The following TRAPPC10 variants were observed in gnomAD, a reference collection of about 807,000 sequenced individuals.
TRAPPC10 encodes trafficking protein particle complex subunit 10.
Under a neutral mutation model 125.5 loss-of-function variants are expected in TRAPPC10, and 23 were observed. The observed-to-expected ratio is 0.18, with a 90% CI of 0.13 to 0.26. TRAPPC10 has a LOEUF of 0.26. Ranked by LOEUF, TRAPPC10 falls within the 10% of genes least tolerant of loss-of-function variation. TRAPPC10 has a pLI of 1.00. For synonymous variants in TRAPPC10, 509 were observed against 518.0 expected (o/e 0.98, Z 0.24); for missense variants, 1,123 against 1,308.4 (o/e 0.86, Z 2.19).
chr21:44,087,596 A>T lies in TRAPPC10; in HGVS notation c.2540-103A>T. On this transcript the variant is annotated intron_variant, in intron 16 of 22. Transcript: ENST00000291574. This position sits in a 1 kb window ranked among gnomAD's most constrained non-coding sequence, Gnocchi z 4.6. ...CCTGCCAGGTGCGCAGGAGCGGGAG[A>T]GGTTGAGCAGTGGCCTCACTGCTGG... The T allele has an allele frequency of 1.0e-6, 1 of 986,010 alleles. No individual in the cohort carries two copies. The highest frequency in any genetic ancestry group is 1.6e-6 in the Non-Finnish European group (1 of 643,380). The allele number at this position is 986,010 out of a possible 1,614,324, so 61.1% of individuals were successfully genotyped here. A position where few individuals can be genotyped will look rare whatever the true frequency, so the allele number is the denominator to read the frequency against.
rs2035866374 is a variant in TRAPPC10, at chr21:44,059,371, G to A, written c.790+157G>A. ...CGGATATATTCTCGTGATTCCTAGAGGAAATGAAATGAGAATTAAGAATTA... is the reference window on the plus strand; with the variant it reads ...CGGATATATTCTCGTGATTCCTAGAAGAAATGAAATGAGAATTAAGAATTA... On this transcript the variant is annotated intron_variant, in intron 6 of 22. Transcript: ENST00000291574. This position sits in a 1 kb window ranked among gnomAD's most constrained non-coding sequence, Gnocchi z 4.4. The A allele has an allele frequency of 1.4e-6, 1 of 695,750 alleles. No homozygotes were observed. Among genetic ancestry groups the A allele is most frequent in the Non-Finnish European group, 2.6e-6 (1 of 381,458 alleles). 43.1% of individuals were successfully genotyped at this position (695,750 alleles called of 1,614,324 possible).
intron 12 of TRAPPC10, 77 bp downstream of exon 12, chr21:44,079,781 A>AT (rs1569205333): frequency 6.9e-7 from 1 of 1,456,170 alleles, no homozygotes. Flanking sequence ...TCAATGTTTC[A>AT]TTCACACCTA....
chr21:44,079,231 TC>T (rs776908305), intron 11 of TRAPPC10, among the ~76,000 whole-genome samples: 20 of 152,324 alleles, frequency 1.3e-4, no homozygotes, highest in Middle Eastern at 3.4e-3. Flanking sequence ...CTCTTGCCTG[TC>T]AGCTTGAGAT....
rs571190407 is a variant in TRAPPC10 at position 44,058,958 on chromosome 21, C to T, written c.679-145C>T. 7.0e-5 allele frequency: 40 copies of T among 570,292 alleles called. No homozygotes were observed. The East Asian group carries it at 7.3e-4, about 10-fold the overall frequency. The allele number at this position is 570,292 out of a possible 1,614,324, so 35.3% of individuals were successfully genotyped here. On this transcript the variant is annotated intron_variant, in intron 5 of 22. Coordinates refer to ENST00000291574, the MANE Select transcript of TRAPPC10 (RefSeq NM_003274.5). Reference sequence around the variant, plus strand: ...ATGCGTGAATGTTGACATATGCGGTCGTCACATTGGTTGTTACTTAGCGGA... The same window carrying T: ...ATGCGTGAATGTTGACATATGCGGTTGTCACATTGGTTGTTACTTAGCGGA...
chr21:44,062,906 T>G (rs1387015811), intron 6 of TRAPPC10: 6 of 1,230,206 alleles, frequency 4.9e-6, no homozygotes, highest in Non-Finnish European at 6.3e-6. Flanking sequence ...GGACTTGTTA[T>G]TATACATTGT....
intron 1 of TRAPPC10, among the ~76,000 whole-genome samples, chr21:44,022,607 C>T (rs1008127676): frequency 3.3e-5 from 5 of 151,900 alleles, no homozygotes; most frequent in Admixed American, 1.3e-4. Flanking sequence ...AGCCACCATG[C>T]CTGGGCCTAA....
intron 13 of TRAPPC10, among the ~76,000 whole-genome samples, chr21:44,081,731 T>C (rs1209271807): frequency 1.3e-5 from 2 of 152,072 alleles, no homozygotes; most frequent in African/African-American, 2.4e-5. Flanking sequence ...TACAAAAAAT[T>C]AGCCAGGTGT....
chr21:44,037,763 T>C, intron 2 of TRAPPC10, 29 bp from the exon 3 acceptor site: 1 of 1,602,648 alleles, frequency 6.2e-7, no homozygotes, highest in Non-Finnish European at 8.5e-7. Context: ...TTAGTTGTTT[T>C]CTCAGTGACT....
intron 13 of TRAPPC10, among the ~76,000 whole-genome samples, chr21:44,081,217 G>A (rs886802773): frequency 6.6e-6 from 1 of 151,826 alleles, no homozygotes; most frequent in African/African-American, 2.4e-5. Context: ...TTGGAGTGCA[G>A]TGGCATGATT....
Position 44,058,967 on chromosome 21 carries a change from G to C in TRAPPC10, c.679-136G>C, listed in dbSNP as rs182325681. The stretch of plus-strand genomic sequence containing the variant: ...TGTTGACATATGCGGTCGTCACATT[G>C]GTTGTTACTTAGCGGAGCGTAGACA... On this transcript the variant is annotated intron_variant, in intron 5 of 22. Transcript: ENST00000291574. The C allele has an allele frequency of 4.7e-5, 28 of 593,528 alleles. No individual in the cohort carries two copies. In the Admixed American group the frequency reaches 6.6e-4, roughly 14 times the overall value. The allele number at this position is 593,528 out of a possible 1,614,324, so 36.8% of individuals were successfully genotyped here.
At chr21:44,051,238 G>C (rs926211186) in intron 3 of TRAPPC10, among the ~76,000 whole-genome samples, 21 of 152,300 alleles carry the variant, frequency 1.4e-4, no homozygotes, top group African/African-American at 5.1e-4. Flanking sequence ...TGGATACTCT[G>C]ATTGGCTTCT....
intron 1 of TRAPPC10, among the ~76,000 whole-genome samples, chr21:44,026,176 C>G (rs2033049044): frequency 1.3e-5 from 2 of 152,004 alleles, no homozygotes; most frequent in African/African-American, 4.8e-5. Context: ...CATCTGGATC[C>G]TTTTTTGTGC....
In TRAPPC10 at chr21:44,055,776, G is replaced by C. The variant is rs769372387; in HGVS notation, c.561G>C (p.Arg187Ser). 4.6e-5 allele frequency: 75 copies of C among 1,613,824 alleles called. No homozygotes were observed. The highest frequency in any genetic ancestry group is 6.2e-5 in the Non-Finnish European group (73 of 1,179,896). Residue 187 changes from arginine to serine, a missense_variant, in exon 5 of 23, where the codon AGG becomes AGC. By Grantham distance (110) the Arg-to-Ser change is moderately radical. Around this residue, in one of 4 missense-constraint regions of TRAPPC10, gnomAD observed 177 missense variants for 228.9 expected, o/e 0.77. Transcript: ENST00000291574. ...ESWNAFLTKL[R>S]TLLLMSFTKN... is the part of the protein sequence containing the mutation. ...GGAATGCCTTCCTGACCAAACTCAGGACATTGCTTCTTATGTCTTTTACCA... is the reference window on the plus strand; with the variant it reads ...GGAATGCCTTCCTGACCAAACTCAGCACATTGCTTCTTATGTCTTTTACCA...
At chr21:44,039,157 G>A (rs150299189) in intron 3 of TRAPPC10, among the ~76,000 whole-genome samples, 1 of 152,214 alleles carries the variant, frequency 6.6e-6, no homozygotes, top group African/African-American at 2.4e-5. Flanking sequence ...ACTGTGAGGC[G>A]ATTTAAGTGT....
Position 44,059,808 on chromosome 21 carries a change from C to CT in TRAPPC10, c.790+594_790+595insT. ...TTCTCTGTCGCTCCTTTTTGTTACT[C>CT]ACAGCCCATCCTGGGCATCTCTCCA... On this transcript the variant is annotated intron_variant, in intron 6 of 22. Coordinates refer to ENST00000291574, the MANE Select transcript of TRAPPC10 (RefSeq NM_003274.5). This position sits in a 1 kb window ranked among gnomAD's most constrained non-coding sequence, Gnocchi z 4.4. The CT allele has an allele frequency of 2.8e-6, 1 of 357,636 alleles. No individual in the cohort carries two copies. Among genetic ancestry groups the CT allele is most frequent in the South Asian group, 7.7e-5 (1 of 13,006 alleles). The allele number at this position is 357,636 out of a possible 1,614,324, so 22.2% of individuals were successfully genotyped here.
In TRAPPC10 at chr21:44,086,872, T is replaced by C; in HGVS notation, c.2451T>C (p.Asn817=). The change falls in exon 16 of 23, where the codon AAT becomes AAC. Residue 817 remains asparagine, a synonymous_variant. Transcript: ENST00000291574. Reference sequence around the variant, plus strand: ...CTACCGGCCATTATACGATAAAGAATGGAGACAGCCTGCAGCTTAGCAATG... The same window carrying C: ...CTACCGGCCATTATACGATAAAGAACGGAGACAGCCTGCAGCTTAGCAATG... ...TVTTGHYTIK[N]GDSLQLSNAE... 6.2e-7 allele frequency: 1 copy of C among 1,614,180 alleles called. No individual in the cohort carries two copies. The highest frequency in any genetic ancestry group is 8.5e-7 in the Non-Finnish European group (1 of 1,180,036).
At chr21:44,089,433 G>T in intron 17 of TRAPPC10, 1 of 416,140 alleles carries the variant, frequency 2.4e-6, no homozygotes. Flanking sequence ...GTTACTGATT[G>T]GCTAATGTCA....
At chr21:44,091,048 G>A (rs943009047) in intron 18 of TRAPPC10, among the ~76,000 whole-genome samples, 33 of 152,184 alleles carry the variant, frequency 2.2e-4, no homozygotes, top group African/African-American at 5.5e-4. Flanking sequence ...AAAATTAGCC[G>A]GGCATGGTGG....
chr21:44,078,908 T>C (rs2037475781), intron 11 of TRAPPC10, among the ~76,000 whole-genome samples: 1 of 152,194 alleles, frequency 6.6e-6, no homozygotes, highest in African/African-American at 2.4e-5. Flanking sequence ...ATCACACCAC[T>C]GTATTCCAGC....
Sources: gnomAD v4.1 joint callset for allele counts (sites outside exome capture counted in the v4.1 genomes callset) on GRCh38, gnomAD v4.1.1 for gene constraint, gnomAD v4.1.1 regional missense constraint, Gnocchi (gnomAD v3.1) non-coding constraint, MANE v1.5 for transcripts, NCBI Gene and HGNC (gene_info 2026-07-23, HGNC 2026-07-21) for gene names.